Variants in SLC24A2 observed in about 807,000 individuals in gnomAD.
SLC24A2 encodes the protein solute carrier family 24 member 2, also known as sodium/potassium/calcium exchanger 2.
A neutral mutation model predicts 62.0 loss-of-function variants in SLC24A2; 36 were observed. The observed-to-expected ratio is 0.58, with a 90% confidence interval of 0.44 to 0.77. The LOEUF (loss-of-function observed/expected upper bound fraction) is 0.77. Ranked by LOEUF, SLC24A2 falls within the 30% of genes least tolerant of loss-of-function variation. The probability of loss-of-function intolerance (pLI) is 0.00; values close to 1 mark genes in which losing one functional copy is unlikely to be tolerated. For missense variants in SLC24A2, 846 were observed against 817.9 expected, an observed-to-expected ratio of 1.03 and a Z score of -0.42; for synonymous variants, 358 against 294.0, an observed-to-expected ratio of 1.22 and a Z score of -2.23.
chr9:19,960,785 A>C, the SLC24A2 span, among the ~76,000 whole-genome samples: 32 of 152,318 alleles, frequency 2.1e-4, no homozygotes, highest in African/African-American at 7.7e-4. Flanking sequence ...TGTGTAAAAA[A>C]TGAGGAAACA....
the SLC24A2 span, among the ~76,000 whole-genome samples, chr9:19,949,884 T>C: frequency 1.3e-5 from 2 of 152,230 alleles, no homozygotes; most frequent in Admixed American, 6.5e-5. Flanking sequence ...TGCATGTTTA[T>C]GAAAGAGGTG....
At chr9:19,822,521 A>G in the SLC24A2 span, among the ~76,000 whole-genome samples, 1 of 152,096 alleles carries the variant, frequency 6.6e-6, no homozygotes, top group Middle Eastern at 3.2e-3. Context: ...ACCTAATCCC[A>G]TGTGAATCTA....
At chr9:20,102,106 G>A in the SLC24A2 span, among the ~76,000 whole-genome samples, 1 of 152,140 alleles carries the variant, frequency 6.6e-6, no homozygotes, top group Non-Finnish European at 1.5e-5. Flanking sequence ...CTCACCCATG[G>A]CCAGATCAGA....
At chr9:19,972,539 G>A in the SLC24A2 span, among the ~76,000 whole-genome samples, 1 of 152,094 alleles carries the variant, frequency 6.6e-6, no homozygotes, top group African/African-American at 2.4e-5. Flanking sequence ...TGTGATTCCT[G>A]GACGTGTGGC....
At chr9:19,596,262 A>G (rs2132898092) in intron 5 of SLC24A2, among the ~76,000 whole-genome samples, 1 of 152,324 alleles carries the variant, frequency 6.6e-6, no homozygotes. Flanking sequence ...TATGCAACAC[A>G]TTTGGGAGTT....
chr9:20,088,629 T>C, the SLC24A2 span, among the ~76,000 whole-genome samples: 13 of 152,292 alleles, frequency 8.5e-5, no homozygotes, highest in South Asian at 6.2e-4. Flanking sequence ...TTGTTGTCTT[T>C]GGGCTTTGGA....
At chr9:19,544,934 G>C (rs1453479455) in intron 8 of SLC24A2, among the ~76,000 whole-genome samples, 1 of 152,162 alleles carries the variant, frequency 6.6e-6, no homozygotes. Flanking sequence ...GAGTATCTTT[G>C]TGGTGTTCTC....
At chr9:19,895,878 G>C in the SLC24A2 span, 3 of 1,612,880 alleles carry the variant, frequency 1.9e-6, no homozygotes, top group South Asian at 2.2e-5. Flanking sequence ...GCAGGGCCTC[G>C]GCCAGTGTGA....
intron 7 of SLC24A2, among the ~76,000 whole-genome samples, chr9:19,555,937 CT>C (rs990007360): frequency 2.6e-5 from 4 of 152,068 alleles, no homozygotes; most frequent in Admixed American, 2.6e-4. Context: ...CAGACTCCAT[CT>C]TGGGGAAAAA....
chr9:20,264,307 G>C, the SLC24A2 span, among the ~76,000 whole-genome samples: 2 of 152,194 alleles, frequency 1.3e-5, no homozygotes, highest in Non-Finnish European at 2.9e-5. Context: ...TGCTTGTAAA[G>C]TACTTGGAAC....
At chr9:20,091,034 C>T in the SLC24A2 span, among the ~76,000 whole-genome samples, 1 of 151,186 alleles carries the variant, frequency 6.6e-6, no homozygotes, top group Non-Finnish European at 1.5e-5. Flanking sequence ...AGATGAAAAA[C>T]ACACCACAAG....
At chr9:19,558,510 C>A (rs1009457906) in intron 7 of SLC24A2, among the ~76,000 whole-genome samples, 1 of 152,126 alleles carries the variant, frequency 6.6e-6, no homozygotes, top group Non-Finnish European at 1.5e-5. Context: ...GCTGATGGCA[C>A]CCCTGATTCC....
intron 2 of SLC24A2, among the ~76,000 whole-genome samples, chr9:19,781,406 C>A (rs1026398761): frequency 6.6e-6 from 1 of 152,084 alleles, no homozygotes; most frequent in East Asian, 1.9e-4. Flanking sequence ...ATAATGGTGA[C>A]TCCAGTTCTC....
chr9:19,934,439 C>T, the SLC24A2 span, among the ~76,000 whole-genome samples: 1 of 152,110 alleles, frequency 6.6e-6, no homozygotes, highest in Non-Finnish European at 1.5e-5. The surrounding 1 kb of genome is among the most constrained non-coding windows in gnomAD (Gnocchi z 4.1). Context: ...CGCGCACCCC[C>T]GGGCTCCCGC....
At chr9:19,609,897 A>G (rs1468976018) in intron 4 of SLC24A2, among the ~76,000 whole-genome samples, 1 of 152,124 alleles carries the variant, frequency 6.6e-6, no homozygotes, top group Non-Finnish European at 1.5e-5. Flanking sequence ...AGTTCACCAT[A>G]GAGTTCACGC....
At chr9:19,845,725 A>C in the SLC24A2 span, among the ~76,000 whole-genome samples, 4 of 152,244 alleles carry the variant, frequency 2.6e-5, no homozygotes, top group East Asian at 7.7e-4. Flanking sequence ...GTAGATGTTT[A>C]GTGCTATAAG....
chr9:19,707,071 G>T (rs1213029804), intron 2 of SLC24A2, among the ~76,000 whole-genome samples: 1 of 151,758 alleles, frequency 6.6e-6, no homozygotes, highest in Admixed American at 6.6e-5. Flanking sequence ...TGACAAAGGG[G>T]ATATCACCAC....
At chr9:20,232,784 A>C in the SLC24A2 span, among the ~76,000 whole-genome samples, 10 of 151,184 alleles carry the variant, frequency 6.6e-5, no homozygotes, top group Non-Finnish European at 1.5e-4. Context: ...CTAGCTTTTG[A>C]ATGTGCTTTT....
chr9:19,555,934 C>A (rs942436037), intron 7 of SLC24A2, among the ~76,000 whole-genome samples: 2 of 152,034 alleles, frequency 1.3e-5, no homozygotes, highest in African/African-American at 4.8e-5. Context: ...ACACAGACTC[C>A]ATCTTGGGGA....
Sources: gnomAD v4.1 joint callset for allele counts (sites outside exome capture counted in the v4.1 genomes callset) on GRCh38, gnomAD v4.1.1 for gene constraint, Gnocchi (gnomAD v3.1) non-coding constraint, MANE v1.5 for transcripts, NCBI Gene and HGNC (gene_info 2026-07-23, HGNC 2026-07-21) for gene names.